CNGA1: variants seen among roughly 807,000 people sequenced by gnomAD.
CNGA1 encodes the protein cyclic nucleotide gated channel subunit alpha 1, also known as cyclic nucleotide-gated channel alpha-1.
Under a neutral mutation model 69.7 loss-of-function variants are expected in CNGA1, and 53 were observed. That is an observed-to-expected ratio of 0.76 (90% CI 0.61 to 0.96). CNGA1 has a LOEUF of 0.96. Among genes scored for constraint, CNGA1 ranks in the 40% least tolerant of loss-of-function variants. The probability of loss-of-function intolerance (pLI) is 0.00; values close to 1 mark genes in which losing one functional copy is unlikely to be tolerated. For synonymous variants in CNGA1, 249 were observed against 283.5 expected, an observed-to-expected ratio of 0.88 and a Z score of 1.22; for missense variants, 739 against 811.2, an observed-to-expected ratio of 0.91 and a Z score of 1.08.
At chr4:47,998,685 A>G (rs1578123513) in intron 2 of CNGA1, among the ~76,000 whole-genome samples, 1 of 152,142 alleles carries the variant, frequency 6.6e-6, no homozygotes, top group Non-Finnish European at 1.5e-5. Context: ...GGCTGAGGCA[A>G]GAGAATCGCT....
At chr4:48,010,750 G>T in intron 2 of CNGA1, 44 bp downstream of exon 2, 1 of 153,526 alleles carries the variant, frequency 6.5e-6, no homozygotes, top group South Asian at 2.0e-4. Flanking sequence ...GCCCAATCGG[G>T]ACTGGCAATG....
intron 6 of CNGA1, among the ~76,000 whole-genome samples, chr4:47,946,119 T>C (rs1348818174): frequency 6.6e-6 from 1 of 152,134 alleles, no homozygotes; most frequent in African/African-American, 2.4e-5. Context: ...AAAAGCAACA[T>C]TGCATCCTGG....
intron 1 of CNGA1, among the ~76,000 whole-genome samples, chr4:48,015,209 C>T (rs1369666798): frequency 6.6e-6 from 1 of 150,502 alleles, no homozygotes; most frequent in Non-Finnish European, 1.5e-5. Flanking sequence ...AACAAACAAA[C>T]AAGCAAACAA....
chr4:47,973,368 G>A lies in CNGA1; in HGVS notation c.-15+8025C>T, dbSNP rs111425687. ...TGGGATTACAGGCGTGAACCACCGC[G>A]TCCGGTCTAAAGCACCATCTTTAAA... On this transcript the variant is annotated intron_variant, in intron 3 of 10. Coordinates refer to ENST00000514170, the MANE Select transcript of CNGA1 (RefSeq NM_001379270.1). Among the ~76,000 whole-genome samples the A allele has an allele frequency of 6.1e-3, 934 of 152,082 alleles. 15 individuals are homozygous for A. The highest frequency in any genetic ancestry group is 0.022 in the African/African-American group (902 of 41,510).
rs572740427 is a variant in CNGA1, at chr4:47,967,057, C to T, written c.-15+14336G>A. On this transcript the variant is annotated intron_variant, in intron 3 of 10. Coordinates refer to ENST00000514170, the MANE Select transcript of CNGA1 (RefSeq NM_001379270.1). ...GTGGCTCACACCTGTAATCCCAGCA[C>T]TTTGGGAGGCTGAGGCGGGTGGATC... 2.6e-5 allele frequency among the ~76,000 whole-genome samples: 4 copies of T among 152,188 alleles called. No individual in the cohort carries two copies. In the South Asian group the frequency reaches 8.3e-4, roughly 32 times the overall value.
rs374038752 is a variant in CNGA1 at position 47,965,936 on chromosome 4, T to A, written c.-14-13233A>T. ...CTGAAAAGAACAGAAAAAAAAATAT[T>A]CTTTTAGGGACTTCGTTGCTTTACT... On this transcript the variant is annotated intron_variant, in intron 3 of 10. Transcript: ENST00000514170. Among the ~76,000 whole-genome samples, 128 of 152,118 alleles carry A rather than the reference T, an allele frequency of 8.4e-4. 2 individuals carry two copies. Among genetic ancestry groups the A allele is most frequent in the Middle Eastern group, 3.4e-3 (1 of 294 alleles).
At chr4:47,943,621 A>C (rs1479592679) in intron 6 of CNGA1, among the ~76,000 whole-genome samples, 2 of 152,186 alleles carry the variant, frequency 1.3e-5, no homozygotes, top group South Asian at 4.1e-4. Context: ...CTTCTAAGCT[A>C]ATAGATTTGG....
At chr4:47,943,502 C>T in intron 6 of CNGA1, 90 bp from the exon 7 acceptor site, 1 of 845,124 alleles carries the variant, frequency 1.2e-6, no homozygotes, top group East Asian at 2.8e-5. Flanking sequence ...CTCAGCTTTG[C>T]ATTCAAAGAC....
chr4:47,997,217 AC>A (rs1714395734), intron 2 of CNGA1, among the ~76,000 whole-genome samples: 2 of 152,190 alleles, frequency 1.3e-5, no homozygotes, highest in Admixed American at 1.3e-4. Flanking sequence ...CTCAGACATG[AC>A]AAATTATCTA....
At chr4:47,966,079 C>T (rs113250087) in intron 3 of CNGA1, among the ~76,000 whole-genome samples, 45 of 152,184 alleles carry the variant, frequency 3.0e-4, no homozygotes, top group African/African-American at 7.7e-4. Flanking sequence ...CTCACTTAAG[C>T]GAGGATATAA....
rs752033814 is a variant in CNGA1, at chr4:47,937,549, T to C, written c.933A>G (p.Ala311=). Residue 311 remains alanine (A), a synonymous_variant, in exon 11 of 11, where the codon GCA becomes GCG. Coordinates refer to ENST00000514170, the MANE Select transcript of CNGA1 (RefSeq NM_001379270.1). ...MYIVIIIHWN[A]CVFYSISKAI... ...CTTTAGAAATAGAGTAGAACACACA[T>C]GCATTCCAGTGGATAATGATGACGA... 6.2e-7 allele frequency: 1 copy of C among 1,614,144 alleles called. No individual in the cohort carries two copies. The highest frequency in any genetic ancestry group is 1.7e-5 in the Admixed American group (1 of 60,028).
rs1300146808 is a variant in CNGA1 at position 47,951,467 on chromosome 4, G to A, written c.110C>T (p.Ser37Phe). ...IRRMENGACSSFSEDDDSAST... is the reference protein window; with the variant it reads ...IRRMENGACSFFSEDDDSAST... ...GGCACTGTCATCATCCTCAGAAAAG[G>A]AGCTACAGTCCAATAGGAGGCAGAG... is the stretch of plus-strand genomic sequence containing the variant. Residue 37 changes from serine to phenylalanine, a missense_variant and splice_region_variant, in exon 5 of 11, where the codon TCC becomes TTC. Physicochemically the swap from Ser to Phe is radical, Grantham distance 155. Transcript: ENST00000514170. The A allele has an allele frequency of 6.2e-7, 1 of 1,600,042 alleles. No homozygotes were observed. The highest frequency in any genetic ancestry group is 8.6e-7 in the Non-Finnish European group (1 of 1,167,614).
chr4:47,954,787 A>T (rs890103623), intron 3 of CNGA1, among the ~76,000 whole-genome samples: 2 of 152,134 alleles, frequency 1.3e-5, no homozygotes, highest in Non-Finnish European at 2.9e-5. Flanking sequence ...TCCCTGGAAA[A>T]CCTTACGAGC....
chr4:47,943,336 A>C, intron 7 of CNGA1, 35 bp downstream of exon 7: 1 of 1,540,602 alleles, frequency 6.5e-7, no homozygotes, highest in Non-Finnish European at 8.8e-7. Context: ...TGTTATGGGC[A>C]GAAAAATGTG....
intron 2 of CNGA1, among the ~76,000 whole-genome samples, chr4:48,003,517 T>A (rs1714755578): frequency 6.6e-6 from 1 of 152,222 alleles, no homozygotes; most frequent in Non-Finnish European, 1.5e-5. Context: ...ACACGAGCTG[T>A]TCCAGTATAA....
chr4:48,007,874 A>G (rs2109353108), intron 2 of CNGA1, among the ~76,000 whole-genome samples: 1 of 152,362 alleles, frequency 6.6e-6, no homozygotes, highest in Non-Finnish European at 1.5e-5. Context: ...ATCAGGCCAC[A>G]ACAAACAGAA....
At chr4:47,962,030 A>G (rs1740466926) in intron 3 of CNGA1, among the ~76,000 whole-genome samples, 1 of 152,154 alleles carries the variant, frequency 6.6e-6, no homozygotes, top group Admixed American at 6.6e-5. Flanking sequence ...AGAATGCAAG[A>G]TATCTGATTA....
intron 2 of CNGA1, among the ~76,000 whole-genome samples, chr4:47,985,010 G>C (rs1741922047): frequency 6.6e-6 from 1 of 152,106 alleles, no homozygotes. Context: ...TGTAGTCCCA[G>C]GACTGAGTTT....
intron 2 of CNGA1, among the ~76,000 whole-genome samples, chr4:48,004,263 C>G (rs1714799185): frequency 6.6e-6 from 1 of 152,248 alleles, no homozygotes; most frequent in African/African-American, 2.4e-5. Context: ...ACTCCTTACC[C>G]TGCCCCTTTG....
Sources: gnomAD v4.1 joint callset for allele counts (sites outside exome capture counted in the v4.1 genomes callset) on GRCh38, gnomAD v4.1.1 for gene constraint, MANE v1.5 for transcripts, NCBI Gene and HGNC (gene_info 2026-07-23, HGNC 2026-07-21) for gene names.